Variants in FSIP1 observed in about 807,000 individuals in gnomAD.
FSIP1 encodes the protein fibrous sheath interacting protein 1, also known as fibrous sheath-interacting protein 1.
FSIP1 carries 65 observed loss-of-function variants against 60.9 expected under a neutral mutation model. The ratio of observed to expected loss-of-function variants is 1.07; its 90% CI spans 0.87 to 1.31. FSIP1 has a LOEUF of 1.31. FSIP1 is among the 40% of genes most tolerant of loss of function. The pLI is 0.00. For missense variants in FSIP1, 675 were observed against 665.5 expected (o/e 1.01, Z -0.16); for synonymous variants, 209 against 221.2 (o/e 0.94, Z 0.49).
chr15:39,622,377 T>C (rs1335363819), intron 10 of FSIP1, among the ~76,000 whole-genome samples: 1 of 152,222 alleles, frequency 6.6e-6, no homozygotes, highest in African/African-American at 2.4e-5. Context: ...GTAGCTCTTT[T>C]ATGAATCTTC....
At chr15:39,670,161 C>G (rs1893659743) in intron 10 of FSIP1, among the ~76,000 whole-genome samples, 2 of 152,192 alleles carry the variant, frequency 1.3e-5, no homozygotes, top group Admixed American at 1.3e-4. Flanking sequence ...TCATTCTAAA[C>G]CCCTAAATAA....
chr15:39,695,634 T>A (rs546151711), intron 10 of FSIP1, among the ~76,000 whole-genome samples: 1 of 152,338 alleles, frequency 6.6e-6, no homozygotes, highest in African/African-American at 2.4e-5. Context: ...TCCTGCTTTT[T>A]GACAGATAGT....
At chr15:39,613,816 T>C (rs12904393) in intron 11 of FSIP1, among the ~76,000 whole-genome samples, 1 of 152,148 alleles carries the variant, frequency 6.6e-6, no homozygotes, top group Admixed American at 6.5e-5. Flanking sequence ...AATTAATAAG[T>C]GGGATATACC....
At chr15:39,770,960 C>T (rs146471992) in intron 2 of FSIP1, among the ~76,000 whole-genome samples, 1 of 152,232 alleles carries the variant, frequency 6.6e-6, no homozygotes, top group African/African-American at 2.4e-5. Context: ...ACGACAGCCA[C>T]TTGCCACATG....
chr15:39,769,088 G>A (rs984196340), intron 3 of FSIP1, among the ~76,000 whole-genome samples: 4 of 152,006 alleles, frequency 2.6e-5, no homozygotes, highest in Admixed American at 2.0e-4. Context: ...GACCATCCTG[G>A]CTAACACGGT....
chr15:39,688,658 T>A (rs574214199), intron 10 of FSIP1, among the ~76,000 whole-genome samples: 1 of 152,302 alleles, frequency 6.6e-6, no homozygotes, highest in Admixed American at 6.5e-5. Flanking sequence ...GAGAAAAATA[T>A]CTATTTTTAT....
Position 39,736,879 on chromosome 15 carries a change from G to A in FSIP1, c.891+1212C>T, listed in dbSNP as rs1595678078. Among the ~76,000 whole-genome samples the A allele has an allele frequency of 2.0e-5, 3 of 152,190 alleles. No homozygotes were observed. In the South Asian group the frequency reaches 6.2e-4, roughly 31 times the overall value. The stretch of plus-strand genomic sequence containing the variant: ...AAGCTATGGAGGACACACTGCACCA[G>A]AGAGCTAATCTCACATTTAGGTAAG... On this transcript the variant is annotated intron_variant, in intron 8 of 11. Transcript: ENST00000350221.
intron 5 of FSIP1, among the ~76,000 whole-genome samples, chr15:39,758,526 G>T (rs943136424): frequency 1.3e-5 from 2 of 151,904 alleles, no homozygotes; most frequent in African/African-American, 4.8e-5. Context: ...GGGGAATAAG[G>T]GGTATAGTCT....
intron 10 of FSIP1, among the ~76,000 whole-genome samples, chr15:39,685,477 C>T (rs571384689): frequency 3.3e-5 from 5 of 152,250 alleles, no homozygotes; most frequent in African/African-American, 1.2e-4. Context: ...GCAAAGGAAA[C>T]CTCAAAGATG....
At chr15:39,633,130 C>T (rs867116489) in intron 10 of FSIP1, among the ~76,000 whole-genome samples, 17 of 120,172 alleles carry the variant, frequency 1.4e-4, no homozygotes, top group South Asian at 2.7e-4. Flanking sequence ...ATCTTGCTAT[C>T]GCCAGGCTGG....
chr15:39,741,990 T>C, intron 5 of FSIP1, 90 bp from the exon 6 acceptor site: 2 of 701,334 alleles, frequency 2.9e-6, no homozygotes, highest in East Asian at 2.8e-5. Flanking sequence ...ACATTTAATA[T>C]TCTCTCCAGT....
intron 10 of FSIP1, among the ~76,000 whole-genome samples, chr15:39,701,006 G>T (rs1220300710): frequency 2.0e-5 from 3 of 152,118 alleles, no homozygotes; most frequent in Non-Finnish European, 1.5e-5. Context: ...ACAAAAATTA[G>T]CTGGGCATGG....
intron 10 of FSIP1, among the ~76,000 whole-genome samples, chr15:39,620,117 T>G (rs192601664): frequency 5.7e-4 from 87 of 151,986 alleles, no homozygotes; most frequent in Admixed American, 4.4e-3. Context: ...ACACAGAAAA[T>G]TAGGCAAAAG....
chr15:39,711,079 C>A (rs987218575), intron 10 of FSIP1, among the ~76,000 whole-genome samples: 9 of 152,196 alleles, frequency 5.9e-5, no homozygotes, highest in African/African-American at 2.2e-4. Flanking sequence ...AAAGTAACAG[C>A]TACATGTTCA....
chr15:39,739,589 C>T (rs1288118091), intron 7 of FSIP1, 76 bp downstream of exon 7: 1 of 1,292,444 alleles, frequency 7.7e-7, no homozygotes, highest in Non-Finnish European at 1.1e-6. Context: ...TATTTAAAGA[C>T]ACTGAACAAA....
At position 39,745,752 on chromosome 15, in the gene FSIP1, T is replaced by C. The variant is rs1259380052; in HGVS notation, c.560-3852A>G. On this transcript the variant is annotated intron_variant, in intron 5 of 11. Coordinates refer to ENST00000350221, the MANE Select transcript of FSIP1 (RefSeq NM_152597.5). Reference sequence around the variant, plus strand: ...GGGAAGACAAACTCCATACAGACAGTGGCCCTAGCTGGGAATCCATTTTTT... The same window carrying C: ...GGGAAGACAAACTCCATACAGACAGCGGCCCTAGCTGGGAATCCATTTTTT... Among the ~76,000 whole-genome samples the C allele has an allele frequency of 1.1e-4, 17 of 152,126 alleles. 1 individual carries two copies. The highest frequency in any genetic ancestry group is 1.1e-3 in the Admixed American group (17 of 15,274).
At chr15:39,628,829 T>C (rs1891753413) in intron 10 of FSIP1, among the ~76,000 whole-genome samples, 1 of 152,172 alleles carries the variant, frequency 6.6e-6, no homozygotes, top group African/African-American at 2.4e-5. Context: ...TTCTAGTCAG[T>C]AGAGTAAAAA....
chr15:39,749,433 C>A (rs1005174755), intron 5 of FSIP1, among the ~76,000 whole-genome samples: 3 of 151,652 alleles, frequency 2.0e-5, no homozygotes, highest in African/African-American at 7.3e-5. Context: ...TACACCAAAC[C>A]AAATTCAACA....
intron 9 of FSIP1, among the ~76,000 whole-genome samples, chr15:39,718,358 G>T (rs1895829363): frequency 6.6e-6 from 1 of 151,896 alleles, no homozygotes; most frequent in African/African-American, 2.4e-5. Flanking sequence ...TGCGTATAGA[G>T]AAATAGACTG....
Sources: gnomAD v4.1 joint callset for allele counts (sites outside exome capture counted in the v4.1 genomes callset) on GRCh38, gnomAD v4.1.1 for gene constraint, MANE v1.5 for transcripts, NCBI Gene and HGNC (gene_info 2026-07-23, HGNC 2026-07-21) for gene names.